The following PARP15 variants were observed in gnomAD, a reference collection of about 807,000 sequenced individuals.
PARP15 encodes the protein protein mono-ADP-ribosyltransferase PARP15.
A neutral mutation model predicts 62.1 loss-of-function variants in PARP15; 50 were observed. That is an observed-to-expected ratio of 0.81 (90% CI 0.64 to 1.02). PARP15 has a LOEUF of 1.02. PARP15 is among the 50% of genes least tolerant of loss of function. PARP15 has a pLI of 0.00. For missense variants in PARP15, 820 were observed against 826.5 expected, an observed-to-expected ratio of 0.99 and a Z score of 0.10; for synonymous variants, 309 against 293.1, an observed-to-expected ratio of 1.05 and a Z score of -0.55.
intron 1 of PARP15, among the ~76,000 whole-genome samples, chr3:122,600,205 T>C (rs1317109997): frequency 6.6e-6 from 1 of 152,180 alleles, no homozygotes; most frequent in Non-Finnish European, 1.5e-5. Context: ...CTATTTTTAC[T>C]AGTAAAATGC....
At chr3:122,616,009 C>A in intron 5 of PARP15, 152 bp downstream of exon 5, 1 of 736,652 alleles carries the variant, frequency 1.4e-6, no homozygotes, top group Non-Finnish European at 2.3e-6. Flanking sequence ...ATTGTCTGGG[C>A]ACACAAAGAA....
At chr3:122,611,427 C>T (rs1424676809) in intron 3 of PARP15, among the ~76,000 whole-genome samples, 1 of 151,524 alleles carries the variant, frequency 6.6e-6, no homozygotes, top group Non-Finnish European at 1.5e-5. Flanking sequence ...TCCTCTCTGC[C>T]TCCCGGGTTC....
chr3:122,603,160 A>G (rs1272691198), intron 1 of PARP15, among the ~76,000 whole-genome samples: 1 of 152,176 alleles, frequency 6.6e-6, no homozygotes, highest in African/African-American at 2.4e-5. Context: ...AAAGTCCCTG[A>G]AAAAGTTGCC....
At chr3:122,593,106 A>ATCTATCTATCTG (rs1446943900) in intron 1 of PARP15, among the ~76,000 whole-genome samples, 4 of 81,324 alleles carry the variant, frequency 4.9e-5, no homozygotes, top group Non-Finnish European at 6.2e-5. Flanking sequence ...CTATCTATCT[A>ATCTATCTATCTG]TCTATCTATC....
chr3:122,635,880 A>G lies in PARP15; in HGVS notation c.1817A>G (p.Lys606Arg). The G allele has an allele frequency of 3.1e-6, 5 of 1,614,120 alleles. No homozygotes were observed. Among genetic ancestry groups the G allele is most frequent in the Non-Finnish European group, 4.2e-6 (5 of 1,179,992 alleles). Reference protein sequence around the residue: ...ASYSAKDTYSKPDSNGRKHMY... With the variant: ...ASYSAKDTYSRPDSNGRKHMY... Reference sequence around the variant, plus strand: ...TATTCTGCCAAGGACACCTACTCCAAGCCAGACAGCAATGGGAGAAAGCAC... The same window carrying G: ...TATTCTGCCAAGGACACCTACTCCAGGCCAGACAGCAATGGGAGAAAGCAC... Residue 606 changes from lysine (K) to arginine (R), a missense_variant, in exon 12 of 12, where the codon AAG (lysine) becomes AGG (arginine). Physicochemically the swap from Lys to Arg is conservative, Grantham distance 26 (BLOSUM62 2). Around this residue, in one of 3 missense-constraint regions of PARP15, gnomAD observed 5 missense variants for 19.1 expected, o/e 0.26. Transcript: ENST00000464300.
chr3:122,623,738 A>G (rs1417301712), intron 8 of PARP15, among the ~76,000 whole-genome samples: 5 of 152,210 alleles, frequency 3.3e-5, no homozygotes, highest in African/African-American at 9.6e-5. Flanking sequence ...GTGAAGAATC[A>G]TTGCCCATTA....
chr3:122,579,760 C>T (rs952527662), intron 1 of PARP15, among the ~76,000 whole-genome samples: 1 of 151,824 alleles, frequency 6.6e-6, no homozygotes. Flanking sequence ...AGGTGGATCA[C>T]TTGAGGTCAG....
At chr3:122,620,283 C>T (rs1362792677) in intron 7 of PARP15, among the ~76,000 whole-genome samples, 1 of 152,148 alleles carries the variant, frequency 6.6e-6, no homozygotes, top group Non-Finnish European at 1.5e-5. Context: ...ACAAACTTTC[C>T]CCAAACTTGT....
chr3:122,578,150 A>G (rs1302682868), intron 1 of PARP15, among the ~76,000 whole-genome samples: 3 of 151,072 alleles, frequency 2.0e-5, no homozygotes, highest in Non-Finnish European at 4.4e-5. Flanking sequence ...TGTCCTCCCA[A>G]TTTATTTTTT....
At chr3:122,620,605 A>G (rs952305438) in intron 7 of PARP15, among the ~76,000 whole-genome samples, 1 of 152,148 alleles carries the variant, frequency 6.6e-6, no homozygotes, top group Non-Finnish European at 1.5e-5. Context: ...GTAATATTTG[A>G]TTACTAACAT....
Position 122,638,976 on chromosome 3 carries a change from A to T in PARP15, c.*2876A>T, listed in dbSNP as rs1179379760. 2 of 152,210 alleles carry T rather than the reference A, an allele frequency of 1.3e-5. No homozygotes were observed. Among genetic ancestry groups the T allele is most frequent in the Non-Finnish European group, 2.9e-5 (2 of 68,028 alleles). The allele number at this position is 152,210 out of a possible 1,614,324, so 9.4% of individuals were successfully genotyped here. ...TAAAAATGTAATCATCATTATTTAT[A>T]GTTTAATAATCAGTTTCATCTTGCA... On this transcript the variant is annotated 3_prime_UTR_variant, in exon 12 of 12. Coordinates refer to ENST00000464300, the MANE Select transcript of PARP15 (RefSeq NM_001113523.3).
At chr3:122,582,179 T>TA (rs921499745) in intron 1 of PARP15, among the ~76,000 whole-genome samples, 1 of 27,850 alleles carries the variant, frequency 3.6e-5, no homozygotes, top group Non-Finnish European at 1.2e-4. Context: ...TGATATTTCC[T>TA]TTTTTTTTTT....
intron 9 of PARP15, among the ~76,000 whole-genome samples, chr3:122,630,048 G>A (rs1354493136): frequency 6.6e-6 from 1 of 152,196 alleles, no homozygotes; most frequent in African/African-American, 2.4e-5. Context: ...GGGGACCCCT[G>A]TCTTAAAAAA....
chr3:122,636,429 A>G lies in PARP15; in HGVS notation c.*329A>G, dbSNP rs1454617405. The G allele has an allele frequency of 2.2e-5, 6 of 269,058 alleles. No individual in the cohort carries two copies. Among genetic ancestry groups the G allele is most frequent in the East Asian group, 8.3e-5 (1 of 12,028 alleles). The allele number at this position is 269,058 out of a possible 1,614,324, so 16.7% of individuals were successfully genotyped here. A position where few individuals can be genotyped will look rare whatever the true frequency, so the allele number is the denominator to read the frequency against. ...TGCATCACCTTAAAACCAAGATGAC[A>G]TTGTTCTTCTTGGAACATGTTAAGA... On this transcript the variant is annotated 3_prime_UTR_variant, in exon 12 of 12. Transcript: ENST00000464300.
At chr3:122,603,177 GCA>G (rs1188639058) in intron 1 of PARP15, among the ~76,000 whole-genome samples, 1 of 152,172 alleles carries the variant, frequency 6.6e-6, no homozygotes, top group Non-Finnish European at 1.5e-5. Flanking sequence ...TGCCAGGCCA[GCA>G]CCACTCCTGG....
intron 1 of PARP15, among the ~76,000 whole-genome samples, chr3:122,598,861 A>G (rs758680567): frequency 2.0e-4 from 30 of 151,932 alleles, no homozygotes; most frequent in Non-Finnish European, 3.7e-4. Flanking sequence ...TTAGAGCACC[A>G]CGGTCCTTTA....
intron 4 of PARP15, 183 bp from the exon 5 acceptor site, chr3:122,615,596 C>T: frequency 7.5e-7 from 1 of 1,330,390 alleles, no homozygotes; most frequent in Non-Finnish European, 1.0e-6. Context: ...CAAATCAGCA[C>T]TGCTATTTGT....
chr3:122,633,329 C>G (rs540491367), intron 10 of PARP15, among the ~76,000 whole-genome samples: 18 of 152,170 alleles, frequency 1.2e-4, no homozygotes, highest in South Asian at 4.1e-4. Context: ...GAAAGGGGAG[C>G]CAGGAGATAG....
chr3:122,605,099 G>C (rs541961157), intron 1 of PARP15, among the ~76,000 whole-genome samples: 24 of 152,206 alleles, frequency 1.6e-4, no homozygotes, highest in Non-Finnish European at 2.5e-4. Flanking sequence ...CATCAAATCA[G>C]CTCCCACTTA....
Sources: allele counts gnomAD v4.1 joint callset (sites outside exome capture counted in the v4.1 genomes callset), GRCh38; gene constraint gnomAD v4.1.1; regional missense constraint gnomAD v4.1.1; transcripts MANE v1.5; gene names NCBI Gene and HGNC (gene_info 2026-07-23, HGNC 2026-07-21).